Variants in MTSS1 observed in about 807,000 individuals in gnomAD.
MTSS1 encodes MTSS I-BAR domain containing 1.
A neutral mutation model predicts 79.0 loss-of-function variants in MTSS1; 18 were observed. The ratio of observed to expected loss-of-function variants is 0.23; its 90% CI spans 0.16 to 0.34. The LOEUF (loss-of-function observed/expected upper bound fraction) is 0.34. Among genes scored for constraint, MTSS1 ranks in the 10% least tolerant of loss-of-function variants. MTSS1 has a pLI of 1.00. For missense variants in MTSS1, 815 were observed against 986.2 expected (o/e 0.83, Z 2.33); for synonymous variants, 341 against 368.6 (o/e 0.93, Z 0.86).
At chr8:124,637,348 T>C (rs1817201314) in intron 3 of MTSS1, among the ~76,000 whole-genome samples, 1 of 152,120 alleles carries the variant, frequency 6.6e-6, no homozygotes, top group Non-Finnish European at 1.5e-5. Flanking sequence ...AGTTTTGGGA[T>C]GGTGACATTA....
At chr8:124,608,702 C>A (rs1371643165) in intron 3 of MTSS1, among the ~76,000 whole-genome samples, 1 of 152,128 alleles carries the variant, frequency 6.6e-6, no homozygotes, top group Non-Finnish European at 1.5e-5. Context: ...GATGGTAAAT[C>A]AGTTTATCTC....
At chr8:124,561,432 C>T (rs1386399938) in intron 10 of MTSS1, among the ~76,000 whole-genome samples, 1 of 152,100 alleles carries the variant, frequency 6.6e-6, no homozygotes, top group African/African-American at 2.4e-5. Flanking sequence ...CATAACATGA[C>T]AAAACAAAAA....
At chr8:124,668,050 T>C (rs898637575) in intron 3 of MTSS1, among the ~76,000 whole-genome samples, 2 of 152,074 alleles carry the variant, frequency 1.3e-5, no homozygotes, top group Non-Finnish European at 2.9e-5. Context: ...ATCGCGCCAC[T>C]GCACTCCAGC....
chr8:124,624,775 G>C (rs1411529545), intron 3 of MTSS1, among the ~76,000 whole-genome samples: 1 of 152,214 alleles, frequency 6.6e-6, no homozygotes, highest in African/African-American at 2.4e-5. Flanking sequence ...CGAAACTGAA[G>C]CTGACTCAAA....
At chr8:124,673,577 A>AT (rs1163163557) in intron 3 of MTSS1, 1 of 152,038 alleles carries the variant, frequency 6.6e-6, no homozygotes, top group Non-Finnish European at 1.5e-5. Flanking sequence ...ACCCTGTGCT[A>AT]TTTTAAGCAC....
At chr8:124,570,538 A>G (rs1327699814) in intron 6 of MTSS1, among the ~76,000 whole-genome samples, 1 of 152,220 alleles carries the variant, frequency 6.6e-6, no homozygotes, top group African/African-American at 2.4e-5. Context: ...TAAATTATGT[A>G]TTAAACTTTA....
intron 3 of MTSS1, among the ~76,000 whole-genome samples, chr8:124,600,056 A>AAC (rs1228649782): frequency 0.015 from 1,117 of 75,444 alleles, 13 homozygotes; most frequent in African/African-American, 0.095. Flanking sequence ...AAAAAAAAAC[A>AAC]AAAAAAAAAC....
intron 1 of MTSS1, among the ~76,000 whole-genome samples, chr8:124,725,192 CT>C (rs1833519732): frequency 6.6e-6 from 1 of 152,142 alleles, no homozygotes. Flanking sequence ...TCTTCCACAC[CT>C]TACTGCCTGA....
intron 3 of MTSS1, among the ~76,000 whole-genome samples, chr8:124,641,919 CAATTGTGGTTATTAAG>C (rs1489713988): frequency 1.3e-5 from 2 of 151,794 alleles, no homozygotes; most frequent in Non-Finnish European, 2.9e-5. Context: ...CTCTTCCCGC[CAATTGTGGTTATTAAG>C]AATGAGGACA....
chr8:124,717,005 A>C (rs1195610688), intron 1 of MTSS1, among the ~76,000 whole-genome samples: 242 of 151,236 alleles, frequency 1.6e-3, no homozygotes, highest in Non-Finnish European at 2.8e-3. Context: ...TAATTAGTAA[A>C]AAAAAAAAAA....
chr8:124,673,630 C>T (rs1824711831), intron 3 of MTSS1: 1 of 152,074 alleles, frequency 6.6e-6, no homozygotes, highest in Non-Finnish European at 1.5e-5. Flanking sequence ...ACAGATGGGC[C>T]GCGTCAATTT....
intron 9 of MTSS1, among the ~76,000 whole-genome samples, chr8:124,565,268 T>C (rs1400023188): frequency 6.6e-6 from 1 of 152,224 alleles, no homozygotes; most frequent in African/African-American, 2.4e-5. Flanking sequence ...GCATAAGCCA[T>C]TGTTACTTCC....
chr8:124,724,913 C>T (rs1833465133), intron 1 of MTSS1, among the ~76,000 whole-genome samples: 1 of 152,210 alleles, frequency 6.6e-6, no homozygotes, highest in South Asian at 2.1e-4. Context: ...TTCCCTCCAG[C>T]CACGTGAATA....
rs369566167 is a variant in MTSS1, at chr8:124,589,711, G to A, written c.294C>T (p.Ser98=). ...GGTTTATCAGACAATCAATTAAAGC[G>A]CTTTTACCAAGCGGGGGGGAAAAAG... The part of the protein sequence containing the change: ...SIEAKLRQFS[S]ALIDCLINPL... Residue 98 remains serine, a splice_region_variant and synonymous_variant, in exon 5 of 14, where the codon AGC becomes AGT. Transcript: ENST00000518547. 57 of 1,605,902 alleles carry A rather than the reference G, an allele frequency of 3.5e-5. No homozygotes were observed. The highest frequency in any genetic ancestry group is 1.9e-4 in the African/African-American group (14 of 74,336).
rs112232501 is a variant in MTSS1, at chr8:124,657,450, CAT to C, written c.208+42074_208+42075del. Among the ~76,000 whole-genome samples the C allele has an allele frequency of 6.6e-3, 929 of 141,216 alleles. 13 individuals are homozygous for C. The highest frequency in any genetic ancestry group is 0.022 in the African/African-American group (827 of 37,530). The allele number at this position is 141,216 out of a possible 152,430, so 92.6% of individuals were successfully genotyped here. A position where few individuals can be genotyped will look rare whatever the true frequency, so the allele number is the denominator to read the frequency against. ...AAAGTTTTTTCCTTTTTTCTCAACACATGTGTTATTAAAGGCAGAGTCAGCAA... is the reference window on the plus strand; with the variant it reads ...AAAGTTTTTTCCTTTTTTCTCAACACGTGTTATTAAAGGCAGAGTCAGCAA... On this transcript the variant is annotated intron_variant, in intron 3 of 13. Coordinates refer to ENST00000518547, the MANE Select transcript of MTSS1 (RefSeq NM_014751.6).
chr8:124,590,493 A>AATT (rs1831665259), intron 4 of MTSS1, among the ~76,000 whole-genome samples: 1 of 152,160 alleles, frequency 6.6e-6, no homozygotes, highest in African/African-American at 2.4e-5. Context: ...AGACCCAGAA[A>AATT]ATTCTCGAGC....
At chr8:124,639,130 A>G (rs1817562951) in intron 3 of MTSS1, among the ~76,000 whole-genome samples, 1 of 152,222 alleles carries the variant, frequency 6.6e-6, no homozygotes, top group South Asian at 2.1e-4. Flanking sequence ...AGAGGTCAGG[A>G]GTTCCAGACC....
At chr8:124,648,237 G>A (rs1044734279) in intron 3 of MTSS1, among the ~76,000 whole-genome samples, 8 of 152,192 alleles carry the variant, frequency 5.3e-5, no homozygotes, top group Non-Finnish European at 1.5e-5. Context: ...AAGCAGATGA[G>A]TGATCCGGTG....
chr8:124,555,284 C>T (rs1823362497), intron 13 of MTSS1, among the ~76,000 whole-genome samples: 1 of 151,950 alleles, frequency 6.6e-6, no homozygotes, highest in Non-Finnish European at 1.5e-5. Context: ...CTTGCTCTGT[C>T]ACCCGGGCTG....
Sources: allele counts gnomAD v4.1 joint callset (sites outside exome capture counted in the v4.1 genomes callset), GRCh38; gene constraint gnomAD v4.1.1; transcripts MANE v1.5; gene names NCBI Gene and HGNC (gene_info 2026-07-23, HGNC 2026-07-21).